TEN1: variants seen among roughly 807,000 people sequenced by gnomAD.
The protein encoded by TEN1 is TEN1 subunit of CST complex, also known as CST complex subunit TEN1.
TEN1 carries 6 observed loss-of-function variants against 9.3 expected under a neutral mutation model. That is an observed-to-expected ratio of 0.65 (90% CI 0.35 to 1.27). The LOEUF (loss-of-function observed/expected upper bound fraction) is 1.27, where lower values mean the gene tolerates loss of function less well. TEN1 is among the 50% of genes most tolerant of loss of function. The pLI is 0.03. For synonymous variants in TEN1, 65 were observed against 65.6 expected (o/e 0.99, Z 0.04); for missense variants, 149 against 158.2 (o/e 0.94, Z 0.31).
chr17:75,999,746 C>G (rs551283951), intron 3 of TEN1, among the ~76,000 whole-genome samples: 9 of 152,166 alleles, frequency 5.9e-5, no homozygotes, highest in Non-Finnish European at 1.0e-4. Flanking sequence ...ACCACCGCAT[C>G]TGCTAGAAGC....
At chr17:75,993,089 T>C (rs2066196680) in intron 3 of TEN1, among the ~76,000 whole-genome samples, 1 of 150,080 alleles carries the variant, frequency 6.7e-6, no homozygotes, top group Non-Finnish European at 1.5e-5. Flanking sequence ...ACCAAATGGT[T>C]GATGAAGGAA....
chr17:75,984,741 TCA>T (rs1460037751), intron 1 of TEN1: 1 of 152,150 alleles, frequency 6.6e-6, no homozygotes, highest in Non-Finnish European at 1.5e-5. Context: ...CAGTCCAGAG[TCA>T]CAGTCTGTTC....
rs1483391159 is a variant in TEN1 at position 75,997,493 on chromosome 17, TACCATCAGACACTGAAACGGCCACCG to T, written c.251-2621_251-2596del. 7.0e-4 allele frequency among the ~76,000 whole-genome samples: 107 copies of T among 152,202 alleles called. No homozygotes were observed. In the Middle Eastern group the frequency reaches 0.01, roughly 15 times the overall value. On this transcript the variant is annotated intron_variant, in intron 3 of 3. Transcript: ENST00000397640. The stretch of plus-strand genomic sequence containing the variant: ...GGCCACAGGCAGCCGTTCTTCCTCC[TACCATCAGACACTGAAACGGCCACCG>T]ACCATCAGACACTGAAACGGCCACC...
intron 2 of TEN1, 27 bp downstream of exon 2, chr17:75,986,311 TG>T: frequency 2.0e-6 from 3 of 1,521,124 alleles, no homozygotes; most frequent in South Asian, 1.2e-5. Context: ...TTTTCACTGG[TG>T]GGGGTGATGA....
chr17:75,979,303 C>G lies in TEN1; in HGVS notation c.-215C>G, dbSNP rs1490713782. On this transcript the variant is annotated 5_prime_UTR_variant, in exon 1 of 4. Transcript: ENST00000397640. ...GCGATGTCCGCGTCGTGGCTGGGGC[C>G]GGTCGCGGGGCAGACTAATCCCCTG... 1 of 639,974 alleles carries G rather than the reference C, an allele frequency of 1.6e-6. No individual in the cohort carries two copies. Among genetic ancestry groups the G allele is most frequent in the Non-Finnish European group, 2.7e-6 (1 of 365,012 alleles). 39.6% of individuals were successfully genotyped at this position (639,974 alleles called of 1,614,324 possible).
intron 3 of TEN1, among the ~76,000 whole-genome samples, chr17:75,996,742 AAAAG>A (rs1304300365): frequency 4.6e-5 from 7 of 151,636 alleles, no homozygotes; most frequent in Admixed American, 2.0e-4. Context: ...GAAAGAAAGA[AAAAG>A]AAAGAAAAGA....
At chr17:75,996,259 G>A (rs2066217259) in intron 3 of TEN1, among the ~76,000 whole-genome samples, 1 of 152,194 alleles carries the variant, frequency 6.6e-6, no homozygotes. Flanking sequence ...GCCGAGGTGG[G>A]TGGATCACTT....
chr17:75,983,602 A>G (rs2066135665), intron 1 of TEN1, among the ~76,000 whole-genome samples: 1 of 152,228 alleles, frequency 6.6e-6, no homozygotes, highest in Non-Finnish European at 1.5e-5. Flanking sequence ...ATGGCATTAC[A>G]GTCAAGAAAG....
At chr17:75,989,279 T>C (rs1342300343) in intron 2 of TEN1, among the ~76,000 whole-genome samples, 1 of 145,148 alleles carries the variant, frequency 6.9e-6, no homozygotes, top group African/African-American at 2.5e-5. Context: ...TTTTTTTTTG[T>C]TTTTTTTTTG....
rs2066095658 is a variant in TEN1, at chr17:75,979,391, T to C, written c.-127T>C. 3 of 494,618 alleles carry C rather than the reference T, an allele frequency of 6.1e-6. No homozygotes were observed. Among genetic ancestry groups the C allele is most frequent in the African/African-American group, 3.9e-5 (2 of 50,948 alleles). The allele number at this position is 494,618 out of a possible 1,614,324, so 30.6% of individuals were successfully genotyped here. A position where few individuals can be genotyped will look rare whatever the true frequency, so the allele number is the denominator to read the frequency against. ...AAAGGGGCTCCGAAGGTCAAGAAACTGCCCTGCTGGGCGTCCGGGGAGTGG... is the reference window on the plus strand; with the variant it reads ...AAAGGGGCTCCGAAGGTCAAGAAACCGCCCTGCTGGGCGTCCGGGGAGTGG... On this transcript the variant is annotated 5_prime_UTR_variant, in exon 1 of 4. Coordinates refer to ENST00000397640, the MANE Select transcript of TEN1 (RefSeq NM_001113324.3).
intron 3 of TEN1, among the ~76,000 whole-genome samples, chr17:75,998,538 G>A (rs2066231436): frequency 6.6e-6 from 1 of 152,150 alleles, no homozygotes; most frequent in African/African-American, 2.4e-5. Context: ...CATTGCCTAA[G>A]GGTAGCCTGT....
At chr17:75,995,178 T>C (rs1328610885) in intron 3 of TEN1, among the ~76,000 whole-genome samples, 1 of 149,498 alleles carries the variant, frequency 6.7e-6, no homozygotes, top group Non-Finnish European at 1.5e-5. Context: ...CCAAGATTGC[T>C]CTACTGCACT....
chr17:75,984,765 C>T (rs184821116), intron 1 of TEN1: 87 of 152,390 alleles, frequency 5.7e-4, no homozygotes, highest in African/African-American at 2.1e-3. Context: ...TGTCAAGGAA[C>T]AGAGTTCAGT....
At position 76,000,163 on chromosome 17, in the gene TEN1, G is replaced by C. The variant is rs374599007; in HGVS notation, c.273G>C (p.Ala91=). ...CAGACAGAGGCTCCGTGGTGAAGGC[G>C]CGCGTGCTGACCTGTGTGGAGGGGA... ...HQQDRGSVVK[A]RVLTCVEGMN... The change falls in exon 4 of 4, where the codon GCG becomes GCC. Residue 91 remains alanine, a synonymous_variant. Coordinates refer to ENST00000397640, the MANE Select transcript of TEN1 (RefSeq NM_001113324.3). The surrounding 1 kb of genome is among the most constrained non-coding windows in gnomAD (Gnocchi z 5.9). The C allele has an allele frequency of 2.6e-6, 4 of 1,551,274 alleles. No individual in the cohort carries two copies. In the African/African-American group the frequency reaches 5.5e-5, roughly 21 times the overall value.
At chr17:75,992,113 G>A (rs1170056248) in intron 3 of TEN1, among the ~76,000 whole-genome samples, 4 of 151,358 alleles carry the variant, frequency 2.6e-5, no homozygotes, top group East Asian at 1.9e-4. Context: ...AAGTGAGAAC[G>A]AGGAGAGAGA....
chr17:75,991,664 T>C, intron 3 of TEN1, 41 bp downstream of exon 3: 1 of 1,542,632 alleles, frequency 6.5e-7, no homozygotes, highest in South Asian at 1.2e-5. Flanking sequence ...TCCTGGGGCC[T>C]GAGCTGGGGC....
intron 3 of TEN1, among the ~76,000 whole-genome samples, chr17:75,999,686 T>C (rs1400128178): frequency 6.6e-6 from 1 of 152,174 alleles, no homozygotes; most frequent in Non-Finnish European, 1.5e-5. Context: ...ATGTCTTTCC[T>C]GTTTGGTGCC....
intron 1 of TEN1, among the ~76,000 whole-genome samples, chr17:75,983,875 CA>C (rs1177652564): frequency 6.6e-6 from 1 of 151,860 alleles, no homozygotes; most frequent in Non-Finnish European, 1.5e-5. Context: ...GTCAGACATG[CA>C]AAAAACCTGA....
At chr17:75,998,997 T>C (rs1448048317) in intron 3 of TEN1, among the ~76,000 whole-genome samples, 1 of 151,938 alleles carries the variant, frequency 6.6e-6, no homozygotes, top group African/African-American at 2.4e-5. Context: ...GTGCAAAAAA[T>C]TTTTTTAACT....
Sources: gnomAD v4.1 joint callset for allele counts (sites outside exome capture counted in the v4.1 genomes callset) on GRCh38, gnomAD v4.1.1 for gene constraint, Gnocchi (gnomAD v3.1) non-coding constraint, MANE v1.5 for transcripts, NCBI Gene and HGNC (gene_info 2026-07-23, HGNC 2026-07-21) for gene names.